The following DENND1B variants were observed in gnomAD, a reference collection of about 807,000 sequenced individuals.
DENND1B encodes the protein DENN domain containing 1B, also known as DENN domain-containing protein 1B.
DENND1B carries 59 observed loss-of-function variants against 90.1 expected under a neutral mutation model. The ratio of observed to expected loss-of-function variants is 0.65; its 90% CI spans 0.53 to 0.81. DENND1B has a LOEUF of 0.81. Among genes scored for constraint, DENND1B ranks in the 40% least tolerant of loss-of-function variants. The pLI, the probability that DENND1B is intolerant of heterozygous loss-of-function variation, is 0.00. For synonymous variants in DENND1B, 337 were observed against 324.6 expected (o/e 1.04, Z -0.41); for missense variants, 862 against 912.6 (o/e 0.94, Z 0.71).
At chr1:197,703,560 C>CATCATCATTTA (rs1659243229) in intron 3 of DENND1B, among the ~76,000 whole-genome samples, 1 of 152,098 alleles carries the variant, frequency 6.6e-6, no homozygotes, top group Non-Finnish European at 1.5e-5. Context: ...TTTGACTTTG[C>CATCATCATTTA]AGACCTCTGA....
chr1:197,645,651 TA>T, intron 9 of DENND1B, 38 bp downstream of exon 9: 1 of 1,298,634 alleles, frequency 7.7e-7, no homozygotes, highest in Non-Finnish European at 1.0e-6. Context: ...ACAAAATTAA[TA>T]ATATAAGAAT....
chr1:197,627,770 A>C lies in DENND1B; in HGVS notation c.673-10011T>G, dbSNP rs546917121. Among the ~76,000 whole-genome samples the C allele has an allele frequency of 5.7e-4, 86 of 152,190 alleles. 2 individuals are homozygous for C. The South Asian group carries it at 0.015, about 27-fold the overall frequency. Reference sequence around the variant, plus strand: ...GTTTGCAGATGACATTATTGTATATATAGAAAACCCCATTGTCTCAGCCCA... The same window carrying C: ...GTTTGCAGATGACATTATTGTATATCTAGAAAACCCCATTGTCTCAGCCCA... On this transcript the variant is annotated intron_variant, in intron 10 of 22. Coordinates refer to ENST00000620048, the MANE Select transcript of DENND1B (RefSeq NM_001195215.2).
intron 2 of DENND1B, among the ~76,000 whole-genome samples, chr1:197,721,534 T>TG (rs11377491): frequency 0.84 from 127,675 of 151,988 alleles, 53,916 homozygotes; most frequent in African/African-American, 0.92. Context: ...GGACATAAAT[T>TG]ACACAAGTAA....
At chr1:197,641,757 T>C (rs1175382018) in intron 10 of DENND1B, among the ~76,000 whole-genome samples, 1 of 152,128 alleles carries the variant, frequency 6.6e-6, no homozygotes, top group Non-Finnish European at 1.5e-5. Flanking sequence ...GGTCATTTAA[T>C]CTCACTGAAA....
At chr1:197,560,423 T>A (rs921356338) in intron 15 of DENND1B, among the ~76,000 whole-genome samples, 1 of 151,766 alleles carries the variant, frequency 6.6e-6, no homozygotes, top group African/African-American at 2.4e-5. Context: ...GAGAAAGTGA[T>A]GAGTGTTAGA....
intron 2 of DENND1B, among the ~76,000 whole-genome samples, chr1:197,725,897 T>C (rs769444345): frequency 2.6e-5 from 4 of 151,992 alleles, no homozygotes; most frequent in Non-Finnish European, 4.4e-5. Context: ...AATAAAATAA[T>C]GAACCCAGTT....
chr1:197,726,950 G>A (rs1023405555), intron 2 of DENND1B, among the ~76,000 whole-genome samples: 2 of 152,110 alleles, frequency 1.3e-5, no homozygotes, highest in Admixed American at 6.5e-5. Context: ...CAGTTCACAG[G>A]TCTCTGTTGA....
intron 10 of DENND1B, among the ~76,000 whole-genome samples, chr1:197,629,484 A>G (rs1385520138): frequency 7.1e-6 from 1 of 140,940 alleles, no homozygotes; most frequent in East Asian, 2.2e-4. Flanking sequence ...CAATGAGAAC[A>G]CATGGACACA....
intron 15 of DENND1B, among the ~76,000 whole-genome samples, chr1:197,556,434 A>C (rs1671724579): frequency 6.6e-6 from 1 of 152,076 alleles, no homozygotes; most frequent in Non-Finnish European, 1.5e-5. Context: ...CTTTTGAGTG[A>C]AAACTGTGGT....
At chr1:197,572,960 G>C (rs1408970690) in intron 15 of DENND1B, among the ~76,000 whole-genome samples, 2 of 152,172 alleles carry the variant, frequency 1.3e-5, no homozygotes, top group Non-Finnish European at 2.9e-5. Flanking sequence ...ACGGTAGTTT[G>C]AATTTCTGTG....
intron 15 of DENND1B, among the ~76,000 whole-genome samples, chr1:197,580,553 G>T (rs889782855): frequency 6.6e-6 from 1 of 152,080 alleles, no homozygotes; most frequent in Admixed American, 6.6e-5. Context: ...AGGTCTGGGG[G>T]CACTAACATT....
At chr1:197,514,775 C>A (rs769788782) in intron 20 of DENND1B, among the ~76,000 whole-genome samples, 10 of 151,328 alleles carry the variant, frequency 6.6e-5, no homozygotes, top group Non-Finnish European at 1.3e-4. Flanking sequence ...CAAGTTGATT[C>A]CTGTGTCCTT....
At chr1:197,574,158 T>C (rs574454907) in intron 15 of DENND1B, among the ~76,000 whole-genome samples, 2 of 152,176 alleles carry the variant, frequency 1.3e-5, no homozygotes, top group Non-Finnish European at 2.9e-5. Flanking sequence ...ATTGTCCCTA[T>C]TTGCAGATGA....
chr1:197,590,070 T>A (rs1329206871), intron 14 of DENND1B, among the ~76,000 whole-genome samples: 4 of 152,192 alleles, frequency 2.6e-5, no homozygotes, highest in Non-Finnish European at 5.9e-5. Flanking sequence ...AATACAATCA[T>A]TTAAAAGTAT....
At chr1:197,693,479 A>G (rs1197790884) in intron 3 of DENND1B, among the ~76,000 whole-genome samples, 2 of 151,694 alleles carry the variant, frequency 1.3e-5, no homozygotes, top group Non-Finnish European at 3.0e-5. Flanking sequence ...TTTATGAAAT[A>G]TCATACCTAA....
intron 20 of DENND1B, among the ~76,000 whole-genome samples, chr1:197,529,302 GTATATATGTA>G (rs1669442367): frequency 2.1e-5 from 3 of 146,078 alleles, no homozygotes; most frequent in South Asian, 2.2e-4. Flanking sequence ...GTATATATGT[GTATATATGTA>G]TATATATGTG....
At chr1:197,658,739 C>G (rs1261995218) in intron 5 of DENND1B, among the ~76,000 whole-genome samples, 1 of 151,126 alleles carries the variant, frequency 6.6e-6, no homozygotes, top group Non-Finnish European at 1.5e-5. Flanking sequence ...TCAAAAATAT[C>G]TCCTTTTAAT....
intron 2 of DENND1B, among the ~76,000 whole-genome samples, chr1:197,722,366 A>G (rs749297461): frequency 6.6e-6 from 1 of 152,108 alleles, no homozygotes; most frequent in Non-Finnish European, 1.5e-5. Flanking sequence ...GGATTCAGGT[A>G]TCCTTGCTTC....
At chr1:197,612,030 CA>C (rs1400577162) in intron 11 of DENND1B, 54 bp from the exon 12 acceptor site, 8 of 1,375,496 alleles carry the variant, frequency 5.8e-6, no homozygotes, top group Non-Finnish European at 8.2e-6. Flanking sequence ...AAAACTGAAA[CA>C]ACAGTATAAG....
Sources: gnomAD v4.1 joint callset for allele counts (sites outside exome capture counted in the v4.1 genomes callset) on GRCh38, gnomAD v4.1.1 for gene constraint, MANE v1.5 for transcripts, NCBI Gene and HGNC (gene_info 2026-07-23, HGNC 2026-07-21) for gene names.